Variants in C8orf34 observed in about 807,000 individuals in gnomAD.
C8orf34 encodes the protein uncharacterized protein C8orf34.
C8orf34 carries 65 observed loss-of-function variants against 68.3 expected under a neutral mutation model. That is an observed-to-expected ratio of 0.95 (90% CI 0.78 to 1.17). The LOEUF is 1.17. Ranked by LOEUF, C8orf34 falls within the 50% of genes most tolerant of loss-of-function variation. The probability of loss-of-function intolerance (pLI) is 0.00; values close to 1 mark genes in which losing one functional copy is unlikely to be tolerated. For synonymous variants in C8orf34, 244 were observed against 241.2 expected (o/e 1.01, Z -0.11); for missense variants, 664 against 655.4 (o/e 1.01, Z -0.14).
chr8:68,614,339 G>C (rs1029095795), intron 7 of C8orf34, among the ~76,000 whole-genome samples: 1 of 152,140 alleles, frequency 6.6e-6, no homozygotes, highest in South Asian at 2.1e-4. Flanking sequence ...ATTGCTTTTG[G>C]TGTTTTAGAA....
At chr8:68,512,972 T>G (rs1446760348) in intron 5 of C8orf34, among the ~76,000 whole-genome samples, 6 of 152,174 alleles carry the variant, frequency 3.9e-5, no homozygotes, top group African/African-American at 1.4e-4. Flanking sequence ...CCAGCATAAT[T>G]AAGGGCGTGA....
At chr8:68,389,462 A>G (rs1372989962) in intron 1 of C8orf34, among the ~76,000 whole-genome samples, 1 of 152,204 alleles carries the variant, frequency 6.6e-6, no homozygotes, top group African/African-American at 2.4e-5. Context: ...AGATCATGGT[A>G]GATGGAATGA....
chr8:68,344,698 T>C (rs1563634972), intron 1 of C8orf34, among the ~76,000 whole-genome samples: 3 of 152,092 alleles, frequency 2.0e-5, no homozygotes, highest in African/African-American at 7.2e-5. Context: ...GGTTGCATAA[T>C]AGAAAGAATA....
At chr8:68,653,388 C>T (rs971753150) in intron 8 of C8orf34, among the ~76,000 whole-genome samples, 11 of 152,162 alleles carry the variant, frequency 7.2e-5, no homozygotes, top group African/African-American at 2.2e-4. Context: ...TAATCGGTTC[C>T]TGTATTTTAG....
chr8:68,553,397 A>AC lies in C8orf34; in HGVS notation c.1105+20248_1105+20249insC, dbSNP rs1369336086. 2.1e-3 allele frequency among the ~76,000 whole-genome samples: 311 copies of AC among 150,972 alleles called. 15 individuals carry two copies. Among genetic ancestry groups the AC allele is most frequent in the African/African-American group, 6.7e-3 (277 of 41,066 alleles). ...GAGACTCCATCTCAAAAAAAAAAAAAAAAAAAAAAAAAACATATCCTCCAC... is the reference window on the plus strand; with the variant it reads ...GAGACTCCATCTCAAAAAAAAAAAAACAAAAAAAAAAAAACATATCCTCCAC... On this transcript the variant is annotated intron_variant, in intron 7 of 13. Coordinates refer to ENST00000518698, the MANE Select transcript of C8orf34 (RefSeq NM_052958.4).
At chr8:68,443,865 T>C (rs1223900125) in intron 2 of C8orf34, among the ~76,000 whole-genome samples, 1 of 152,166 alleles carries the variant, frequency 6.6e-6, no homozygotes, top group Non-Finnish European at 1.5e-5. Context: ...TTTAATATTG[T>C]GGAGGAGAAT....
intron 10 of C8orf34, among the ~76,000 whole-genome samples, chr8:68,754,687 C>A (rs1307386918): frequency 6.6e-6 from 1 of 152,198 alleles, no homozygotes; most frequent in African/African-American, 2.4e-5. Context: ...ACGATGACCA[C>A]TCTAAAAGTC....
At chr8:68,412,354 C>G (rs1449719330) in intron 1 of C8orf34, among the ~76,000 whole-genome samples, 1 of 151,972 alleles carries the variant, frequency 6.6e-6, no homozygotes, top group Non-Finnish European at 1.5e-5. Flanking sequence ...TATAGTTTTC[C>G]TAGCTGAGAA....
rs540626773 is a variant in C8orf34 at position 68,468,905 on chromosome 8, C to G, written c.736+85C>G. Reference sequence around the variant, plus strand: ...CATTACTTGTGCCAATAACCCATTTCTAACATCCTCATTCTAATTCTGCAA... The same window carrying G: ...CATTACTTGTGCCAATAACCCATTTGTAACATCCTCATTCTAATTCTGCAA... On this transcript the variant is annotated intron_variant, in intron 4 of 13. Coordinates refer to ENST00000518698, the MANE Select transcript of C8orf34 (RefSeq NM_052958.4). The G allele has an allele frequency of 1.3e-5, 18 of 1,404,482 alleles. No individual in the cohort carries two copies. In the African/African-American group the frequency reaches 2.6e-4, roughly 20 times the overall value. 87.0% of individuals were successfully genotyped at this position (1,404,482 alleles called of 1,614,324 possible).
intron 11 of C8orf34, among the ~76,000 whole-genome samples, chr8:68,781,276 T>C (rs946081254): frequency 6.6e-6 from 1 of 152,220 alleles, no homozygotes; most frequent in Admixed American, 6.5e-5. Context: ...TCAACAATGC[T>C]GCTGAAGTTT....
intron 1 of C8orf34, among the ~76,000 whole-genome samples, chr8:68,390,337 T>C (rs963332685): frequency 3.3e-5 from 5 of 152,104 alleles, no homozygotes; most frequent in Admixed American, 2.6e-4. Flanking sequence ...AGAATCAAAT[T>C]AACTGTTTAA....
chr8:68,419,233 A>C (rs1809829219), intron 1 of C8orf34, among the ~76,000 whole-genome samples: 1 of 150,374 alleles, frequency 6.7e-6, no homozygotes, highest in South Asian at 2.1e-4. Context: ...AAAAATGCTC[A>C]CCATCACTGG....
chr8:68,477,470 C>G (rs940015314), intron 4 of C8orf34, among the ~76,000 whole-genome samples: 7 of 152,186 alleles, frequency 4.6e-5, no homozygotes, highest in African/African-American at 1.4e-4. Flanking sequence ...TTGGAGCCTC[C>G]ACACACAGTT....
chr8:68,461,001 A>T (rs1223301247), intron 3 of C8orf34, among the ~76,000 whole-genome samples: 1 of 152,236 alleles, frequency 6.6e-6, no homozygotes, highest in Non-Finnish European at 1.5e-5. Flanking sequence ...TCCGAGCTAC[A>T]GGAAGAAATT....
chr8:68,533,149 G>T lies in C8orf34; in HGVS notation c.1105G>T (p.Glu369Ter). Residue 369 changes from glutamate to a stop codon, truncating the protein, a stop_gained and splice_region_variant, in exon 7 of 14, where the codon GAG becomes TAG. Transcript: ENST00000518698. LOFTEE classifies it high-confidence loss of function. ...TGAAGATGATGCAATGGAATTGCTG[G>T]GTAATTTTAAAAATTAATAATTTCT... ...DNEDDAMELL[E>*]DLNDLRMEGV... The T allele has an allele frequency of 1.3e-6, 2 of 1,556,936 alleles. No homozygotes were observed. The highest frequency in any genetic ancestry group is 1.2e-5 in the South Asian group (1 of 80,768).
At chr8:68,429,400 G>A (rs1046867590) in intron 1 of C8orf34, among the ~76,000 whole-genome samples, 1 of 152,178 alleles carries the variant, frequency 6.6e-6, no homozygotes, top group Non-Finnish European at 1.5e-5. Flanking sequence ...ACAACATGTT[G>A]GTGAAGATGT....
chr8:68,590,964 C>T (rs932805068), intron 7 of C8orf34, among the ~76,000 whole-genome samples: 8 of 152,194 alleles, frequency 5.3e-5, no homozygotes, highest in African/African-American at 9.6e-5. Context: ...TATGGCATTC[C>T]GAAGAACCCA....
intron 5 of C8orf34, among the ~76,000 whole-genome samples, chr8:68,497,746 G>A (rs186356791): frequency 8.5e-5 from 13 of 152,202 alleles, no homozygotes; most frequent in African/African-American, 3.1e-4. Flanking sequence ...ATGAAAAAAG[G>A]AAGGGAGAGA....
At position 68,614,473 on chromosome 8, in the gene C8orf34, A is replaced by T. The variant is rs142408870; in HGVS notation, c.1106-25903A>T. On this transcript the variant is annotated intron_variant, in intron 7 of 13. Coordinates refer to ENST00000518698, the MANE Select transcript of C8orf34 (RefSeq NM_052958.4). The stretch of plus-strand genomic sequence containing the variant: ...TCTTGAATTAATTTTTGTATAAGGT[A>T]TAAGGAAGGGATCCAGTTTCAGCTT... 1.8e-3 allele frequency among the ~76,000 whole-genome samples: 276 copies of T among 151,502 alleles called. 1 individual carries two copies. The highest frequency in any genetic ancestry group is 3.2e-3 in the Non-Finnish European group (218 of 67,566).
Sources: allele counts gnomAD v4.1 joint callset (sites outside exome capture counted in the v4.1 genomes callset), GRCh38; gene constraint gnomAD v4.1.1; transcripts MANE v1.5; gene names NCBI Gene and HGNC (gene_info 2026-07-23, HGNC 2026-07-21).